The following SHTN1 variants were observed in gnomAD, a reference collection of about 807,000 sequenced individuals.
The protein encoded by SHTN1 is shootin 1.
Under a neutral mutation model 83.1 loss-of-function variants are expected in SHTN1, and 42 were observed. That is an observed-to-expected ratio of 0.51 (90% CI 0.39 to 0.65). SHTN1 has a LOEUF of 0.65. SHTN1 is among the 30% of genes least tolerant of loss of function. The probability of loss-of-function intolerance (pLI) is 0.00; values close to 1 mark genes in which losing one functional copy is unlikely to be tolerated. For synonymous variants in SHTN1, 224 were observed against 247.7 expected, an observed-to-expected ratio of 0.90 and a Z score of 0.90; for missense variants, 622 against 737.8, an observed-to-expected ratio of 0.84 and a Z score of 1.82.
chr10:117,060,894 T>C (rs189176295), intron 1 of SHTN1, among the ~76,000 whole-genome samples: 438 of 152,304 alleles, frequency 2.9e-3, no homozygotes, highest in Non-Finnish European at 4.9e-3. Flanking sequence ...AAACCTAATG[T>C]AGTACAGTGC....
chr10:117,076,200 AAAG>A (rs1230471951), intron 1 of SHTN1, among the ~76,000 whole-genome samples: 1 of 151,766 alleles, frequency 6.6e-6, no homozygotes, highest in African/African-American at 2.4e-5. Flanking sequence ...AAAAAAAAAA[AAAG>A]ATAATGTTAG....
At chr10:116,980,366 C>G (rs1481070490) in intron 1 of SHTN1, among the ~76,000 whole-genome samples, 2 of 151,986 alleles carry the variant, frequency 1.3e-5, no homozygotes, top group African/African-American at 4.8e-5. Flanking sequence ...CATCATAGCT[C>G]ACTGCAGTTT....
Position 116,899,506 on chromosome 10 carries a change from G to GGTGTGTGTGTGT in SHTN1, c.1673+2247_1673+2258dup, listed in dbSNP as rs370396879. Among the ~76,000 whole-genome samples, 443 of 124,542 alleles carry GGTGTGTGTGTGT rather than the reference G, an allele frequency of 3.6e-3. 3 individuals carry two copies. The highest frequency in any genetic ancestry group is 0.012 in the African/African-American group (407 of 34,148). 81.7% of individuals were successfully genotyped at this position (124,542 alleles called of 152,430 possible). A position where few individuals can be genotyped will look rare whatever the true frequency, so the allele number is the denominator to read the frequency against. On this transcript the variant is annotated intron_variant, in intron 16 of 16. Coordinates refer to ENST00000355371, the MANE Select transcript of SHTN1 (RefSeq NM_001127211.3). ...AAGGGAAGTTAGAGTGGCTGGGGCTGGTGTGTGTGTGTGTGTGTGTGTGTG... is the reference window on the plus strand; with the variant it reads ...AAGGGAAGTTAGAGTGGCTGGGGCTGGTGTGTGTGTGTGTGTGTGTGTGTGTGTGTGTGTGTG...
chr10:117,065,858 G>A (rs1031787650), intron 1 of SHTN1, among the ~76,000 whole-genome samples: 28 of 91,886 alleles, frequency 3.0e-4, no homozygotes, highest in African/African-American at 1.2e-3. Flanking sequence ...GGAAGGAAAG[G>A]AGGGAGGGAG....
intron 12 of SHTN1, 27 bp downstream of exon 12, chr10:116,921,407 A>G (rs1848560460): frequency 6.4e-7 from 1 of 1,552,808 alleles, no homozygotes; most frequent in African/African-American, 1.4e-5. Flanking sequence ...ACCATCAACC[A>G]CTTACACCAA....
At chr10:117,074,158 A>C (rs1853123140) in intron 1 of SHTN1, among the ~76,000 whole-genome samples, 1 of 152,194 alleles carries the variant, frequency 6.6e-6, no homozygotes, top group African/African-American at 2.4e-5. Flanking sequence ...TTTCATTAGA[A>C]AGCTAATAGT....
At chr10:117,028,234 G>T (rs1354949230) in intron 2 of SHTN1, among the ~76,000 whole-genome samples, 2 of 152,186 alleles carry the variant, frequency 1.3e-5, no homozygotes, top group African/African-American at 2.4e-5. Context: ...TATTCAAGAT[G>T]TAACCAGGCT....
intron 9 of SHTN1, 83 bp downstream of exon 9, chr10:116,940,383 G>T: frequency 7.3e-7 from 1 of 1,375,556 alleles, no homozygotes. Context: ...TGGACTGACT[G>T]CACTGGCTCC....
At chr10:117,013,890 AAT>A (rs926272530) in intron 2 of SHTN1, among the ~76,000 whole-genome samples, 1 of 152,162 alleles carries the variant, frequency 6.6e-6, no homozygotes, top group African/African-American at 2.4e-5. Flanking sequence ...TGAATGAACA[AAT>A]ATATATATCT....
intron 1 of SHTN1, among the ~76,000 whole-genome samples, chr10:117,078,848 T>G (rs550427259): frequency 5.3e-5 from 8 of 152,144 alleles, no homozygotes; most frequent in Non-Finnish European, 1.0e-4. Context: ...GTCATGTCTT[T>G]CAAGGAATTG....
chr10:117,082,424 T>C (rs1353460991), intron 1 of SHTN1, among the ~76,000 whole-genome samples: 10 of 150,034 alleles, frequency 6.7e-5, no homozygotes, highest in Admixed American at 6.7e-4. Context: ...TTTCTGTTCT[T>C]TTACATTTGC....
At chr10:116,932,708 A>C (rs1043611014) in intron 9 of SHTN1, among the ~76,000 whole-genome samples, 5 of 152,216 alleles carry the variant, frequency 3.3e-5, no homozygotes, top group Admixed American at 2.0e-4. Flanking sequence ...GTTTATCAGG[A>C]CATAACCCTA....
chr10:117,104,643 G>A (rs1219486820), intron 1 of SHTN1, among the ~76,000 whole-genome samples: 2 of 152,042 alleles, frequency 1.3e-5, no homozygotes, highest in South Asian at 2.1e-4. Flanking sequence ...GCGTGGTGGT[G>A]GGCGCCTGTA....
intron 1 of SHTN1, among the ~76,000 whole-genome samples, chr10:117,124,696 C>A (rs938371643): frequency 1.3e-5 from 2 of 152,150 alleles, no homozygotes; most frequent in African/African-American, 4.8e-5. Context: ...ATTGCTTGAA[C>A]CCCAGAGGCA....
chr10:117,078,718 CA>C (rs1434894713), intron 1 of SHTN1, among the ~76,000 whole-genome samples: 3 of 151,994 alleles, frequency 2.0e-5, no homozygotes, highest in African/African-American at 4.8e-5. Context: ...AGCACAGAAA[CA>C]AAGGAAGAAA....
chr10:116,928,574 T>G (rs1848831353), intron 10 of SHTN1, among the ~76,000 whole-genome samples: 2 of 152,200 alleles, frequency 1.3e-5, no homozygotes, highest in Non-Finnish European at 2.9e-5. Flanking sequence ...TCACAGGTGC[T>G]AATACCTATG....
intron 1 of SHTN1, among the ~76,000 whole-genome samples, chr10:117,124,538 C>T (rs907711850): frequency 3.9e-5 from 6 of 152,106 alleles, no homozygotes; most frequent in African/African-American, 9.7e-5. Flanking sequence ...TTTGGGAGGC[C>T]GAGGTGAGTC....
rs752316609 is a variant in SHTN1, at chr10:116,979,301, G to A, written c.66C>T (p.Gly22=). The part of the protein sequence containing the change: ...LITSLKEQAI[G]EYEDLRAENQ... ...TCTCTGCTCTAAGGTCTTCATATTCGCCTATTGCTAAAAGAAAAAAGGAAA... is the reference window on the plus strand; with the variant it reads ...TCTCTGCTCTAAGGTCTTCATATTCACCTATTGCTAAAAGAAAAAAGGAAA... Residue 22 remains glycine (G), a synonymous_variant, in exon 2 of 17, where the codon GGC becomes GGT. Transcript: ENST00000355371. 1.2e-4 allele frequency: 196 copies of A among 1,613,182 alleles called. No homozygotes were observed. Among genetic ancestry groups the A allele is most frequent in the Non-Finnish European group, 1.6e-4 (184 of 1,179,586 alleles).
At chr10:116,979,560 C>A (rs567461038) in intron 1 of SHTN1, among the ~76,000 whole-genome samples, 1 of 152,232 alleles carries the variant, frequency 6.6e-6, no homozygotes, top group East Asian at 1.9e-4. Context: ...AGTGCGATTA[C>A]AGGCACGAGT....
Sources: allele counts gnomAD v4.1 joint callset (sites outside exome capture counted in the v4.1 genomes callset), GRCh38; gene constraint gnomAD v4.1.1; transcripts MANE v1.5; gene names NCBI Gene and HGNC (gene_info 2026-07-23, HGNC 2026-07-21).